The following CCDC170 variants were observed in gnomAD, a reference collection of about 807,000 sequenced individuals.
The protein encoded by CCDC170 is coiled-coil domain containing 170, also known as coiled-coil domain-containing protein 170.
CCDC170 carries 69 observed loss-of-function variants against 72.6 expected under a neutral mutation model. The observed-to-expected ratio is 0.95, with a 90% CI of 0.78 to 1.16. The LOEUF (loss-of-function observed/expected upper bound fraction) is 1.16, where lower values mean the gene tolerates loss of function less well. Ranked by LOEUF, CCDC170 falls within the 50% of genes most tolerant of loss-of-function variation. The pLI, the probability that CCDC170 is intolerant of heterozygous loss-of-function variation, is 0.00. For missense variants in CCDC170, 852 were observed against 832.5 expected (o/e 1.02, Z -0.29); for synonymous variants, 300 against 303.9 (o/e 0.99, Z 0.13).
Position 151,596,412 on chromosome 6 carries a change from G to T in CCDC170, c.1545G>T (p.Glu515Asp), listed in dbSNP as rs1776624362. Residue 515 changes from glutamate to aspartate, a missense_variant, in exon 9 of 11, where the codon GAG becomes GAT. Coordinates refer to ENST00000239374, the MANE Select transcript of CCDC170 (RefSeq NM_025059.4). The stretch of plus-strand genomic sequence containing the variant: ...TCCGGCAGAAAATAGCCCAGCTGGA[G>T]GAGGAGAAGCAGGCACGCACGGCCT... Reference protein sequence around the residue: ...SLLRQKIAQLEEEKQARTALV... With the variant: ...SLLRQKIAQLDEEKQARTALV... 6.2e-7 allele frequency: 1 copy of T among 1,614,158 alleles called. No individual in the cohort carries two copies. The highest frequency in any genetic ancestry group is 2.2e-5 in the East Asian group (1 of 44,872).
Position 151,618,343 on chromosome 6 carries a change from A to G in CCDC170, c.*196A>G. The G allele has an allele frequency of 1.8e-6, 1 of 554,050 alleles. No individual in the cohort carries two copies. The highest frequency in any genetic ancestry group is 3.4e-5 in the Admixed American group (1 of 29,736). 34.3% of individuals were successfully genotyped at this position (554,050 alleles called of 1,614,324 possible). A position where few individuals can be genotyped will look rare whatever the true frequency, so the allele number is the denominator to read the frequency against. On this transcript the variant is annotated 3_prime_UTR_variant, in exon 11 of 11. Transcript: ENST00000239374. ...ACGTTCAGCATTAAAAACGCCTATT[A>G]TTTCATTTACTAGCATTTTAGGATC...
chr6:151,560,269 T>G (rs1783055603), intron 5 of CCDC170, among the ~76,000 whole-genome samples: 1 of 152,208 alleles, frequency 6.6e-6, no homozygotes, highest in African/African-American at 2.4e-5. Context: ...TGTGTGGTTT[T>G]GGGAGTTTTT....
chr6:151,572,069 G>T (rs1776226567), intron 5 of CCDC170, among the ~76,000 whole-genome samples: 1 of 152,074 alleles, frequency 6.6e-6, no homozygotes, highest in Non-Finnish European at 1.5e-5. Flanking sequence ...GCCCAGGCTG[G>T]TCTCCAACTC....
intron 8 of CCDC170, 70 bp downstream of exon 8, chr6:151,593,350 T>G (rs1229987959): frequency 6.7e-7 from 1 of 1,488,460 alleles, no homozygotes; most frequent in South Asian, 1.2e-5. Flanking sequence ...TGAAAAATAA[T>G]GTACTGCCAC....
At chr6:151,578,468 G>T (rs569527762) in intron 6 of CCDC170, among the ~76,000 whole-genome samples, 5 of 151,994 alleles carry the variant, frequency 3.3e-5, no homozygotes, top group Non-Finnish European at 7.4e-5. Flanking sequence ...TATGCATGTC[G>T]GTCTTCGTGT....
chr6:151,550,051 A>G (rs1460989446), intron 5 of CCDC170, among the ~76,000 whole-genome samples: 2 of 152,204 alleles, frequency 1.3e-5, no homozygotes, highest in Admixed American at 1.3e-4. Context: ...TATTTACACA[A>G]TGAATTGGCT....
At chr6:151,567,209 G>A (rs992469521) in intron 5 of CCDC170, among the ~76,000 whole-genome samples, 2 of 151,998 alleles carry the variant, frequency 1.3e-5, no homozygotes, top group Non-Finnish European at 2.9e-5. Context: ...GTGAGTCACC[G>A]TGCCTGACCC....
At chr6:151,575,276 CT>C (rs1381541792) in intron 6 of CCDC170, among the ~76,000 whole-genome samples, 1 of 151,784 alleles carries the variant, frequency 6.6e-6, no homozygotes, top group Non-Finnish European at 1.5e-5. Context: ...TACTAAAAAA[CT>C]CAGAAGAATC....
In CCDC170 at chr6:151,494,048, C is replaced by T. The variant is rs147911398; in HGVS notation, c.-81C>T. ...TTTACCCGTTGCCCGAGGAGACACC[C>T]GCGCCACCCGCCGGCTCCCGGCGCC... On this transcript the variant is annotated 5_prime_UTR_variant, in exon 1 of 11. Transcript: ENST00000239374. The T allele has an allele frequency of 5.9e-3, 7,921 of 1,347,774 alleles. 34 individuals carry two copies. The highest frequency in any genetic ancestry group is 6.8e-3 in the Non-Finnish European group (7,003 of 1,036,176). The allele number at this position is 1,347,774 out of a possible 1,614,324, so 83.5% of individuals were successfully genotyped here.
chr6:151,592,937 G>A, intron 7 of CCDC170, 170 bp from the exon 8 acceptor site: 1 of 656,842 alleles, frequency 1.5e-6, no homozygotes, highest in Non-Finnish European at 2.6e-6. Context: ...GGAACTGGCA[G>A]GGTGGTTCAG....
intron 6 of CCDC170, 78 bp downstream of exon 6, chr6:151,573,569 G>A (rs1776260738): frequency 7.5e-7 from 1 of 1,341,856 alleles, no homozygotes. Flanking sequence ...GACTGTATTA[G>A]TCTATTCTCA....
chr6:151,572,806 T>C (rs1324434242), intron 5 of CCDC170, among the ~76,000 whole-genome samples: 1 of 151,770 alleles, frequency 6.6e-6, no homozygotes, highest in Non-Finnish European at 1.5e-5. Flanking sequence ...TGCGCCACTA[T>C]GCCCCGCTAA....
chr6:151,596,354 G>T lies in CCDC170; in HGVS notation c.1487G>T (p.Arg496Ile). Residue 496 changes from arginine to isoleucine, a missense_variant, in exon 9 of 11, where the codon AGA becomes ATA. Physicochemically the swap from Arg to Ile is moderately conservative, Grantham distance 97. Transcript: ENST00000239374. ...LQRKLKTQKE[R>I]LESKELHMSL... is the part of the protein sequence containing the mutation. ...AACCAGCTAAAGACACAGAAAGAGA[G>T]ACTGGAGAGCAAAGAATTACACATG... 6.2e-7 allele frequency: 1 copy of T among 1,613,416 alleles called. No homozygotes were observed. Among genetic ancestry groups the T allele is most frequent in the South Asian group, 1.1e-5 (1 of 90,866 alleles).
In CCDC170 at chr6:151,593,180, T is replaced by C. The variant is rs1776568832; in HGVS notation, c.1367T>C (p.Met456Thr). The change falls in exon 8 of 11, where the codon ATG becomes ACG. Residue 456 changes from methionine (M) to threonine (T), a missense_variant. Physicochemically the swap from Met to Thr is moderately conservative, Grantham distance 81 (BLOSUM62 -1). Coordinates refer to ENST00000239374, the MANE Select transcript of CCDC170 (RefSeq NM_025059.4). ...DQMAAELGFDMRLDVVLARTE... is the reference protein window; with the variant it reads ...DQMAAELGFDTRLDVVLARTE... ...ATGGCTGCCGAACTTGGCTTTGACATGCGGCTGGACGTGGTTTTAGCTCGA... is the reference window on the plus strand; with the variant it reads ...ATGGCTGCCGAACTTGGCTTTGACACGCGGCTGGACGTGGTTTTAGCTCGA... 1 of 1,614,196 alleles carries C rather than the reference T, an allele frequency of 6.2e-7. No homozygotes were observed. Among genetic ancestry groups the C allele is most frequent in the Non-Finnish European group, 8.5e-7 (1 of 1,180,030 alleles).
intron 7 of CCDC170, among the ~76,000 whole-genome samples, chr6:151,591,064 T>G (rs1478669865): frequency 6.6e-6 from 1 of 152,228 alleles, no homozygotes; most frequent in Non-Finnish European, 1.5e-5. Context: ...GAGATAAAAT[T>G]GTATTCATAT....
chr6:151,613,163 G>T (rs570837642), intron 9 of CCDC170, among the ~76,000 whole-genome samples: 1 of 152,284 alleles, frequency 6.6e-6, no homozygotes, highest in African/African-American at 2.4e-5. Flanking sequence ...CAACAGTTTG[G>T]GAGGCTGAGG....
intron 1 of CCDC170, among the ~76,000 whole-genome samples, chr6:151,512,685 C>T (rs1465047078): frequency 8.2e-6 from 1 of 121,662 alleles, no homozygotes; most frequent in Non-Finnish European, 1.7e-5. Context: ...GGGTTGAGTG[C>T]AATAATGTTA....
At chr6:151,559,924 T>A (rs2115071893) in intron 5 of CCDC170, among the ~76,000 whole-genome samples, 1 of 38,340 alleles carries the variant, frequency 2.6e-5, no homozygotes, top group East Asian at 3.1e-4. Flanking sequence ...TCCTTTTATA[T>A]TTTTTTGGCT....
chr6:151,568,925 T>C (rs779040708), intron 5 of CCDC170, among the ~76,000 whole-genome samples: 7 of 152,236 alleles, frequency 4.6e-5, no homozygotes, highest in Non-Finnish European at 8.8e-5. Context: ...GTAACCTATC[T>C]TATAGATATA....
Sources: gnomAD v4.1 joint callset for allele counts (sites outside exome capture counted in the v4.1 genomes callset) on GRCh38, gnomAD v4.1.1 for gene constraint, MANE v1.5 for transcripts, NCBI Gene and HGNC (gene_info 2026-07-23, HGNC 2026-07-21) for gene names.